Variants in SRGAP3 observed in about 807,000 individuals in gnomAD.
SRGAP3 encodes SLIT-ROBO Rho GTPase-activating protein 3.
A neutral mutation model predicts 121.1 loss-of-function variants in SRGAP3; 39 were observed. The ratio of observed to expected loss-of-function variants is 0.32; its 90% CI spans 0.25 to 0.42. SRGAP3 has a LOEUF of 0.42. Ranked by LOEUF, SRGAP3 falls within the 10% of genes least tolerant of loss-of-function variation. The pLI, the probability that SRGAP3 is intolerant of heterozygous loss-of-function variation, is 1.00. For missense variants in SRGAP3, 1,213 were observed against 1,470.6 expected (o/e 0.82, Z 2.86); for synonymous variants, 601 against 570.0 (o/e 1.05, Z -0.77).
intron 21 of SRGAP3, among the ~76,000 whole-genome samples, chr3:8,989,295 G>C (rs576805952): frequency 1.3e-5 from 2 of 152,250 alleles, no homozygotes; most frequent in East Asian, 3.9e-4. Context: ...CCTCAAGTAT[G>C]GGGGGGACCA....
chr3:9,206,059 G>C (rs925631289), intron 1 of SRGAP3, among the ~76,000 whole-genome samples: 3 of 152,142 alleles, frequency 2.0e-5, no homozygotes, highest in African/African-American at 7.2e-5. Flanking sequence ...GGTGACGGTT[G>C]CATGACAATG....
At chr3:9,266,124 A>T (rs879094125) in intron 3 of SRGAP3, among the ~76,000 whole-genome samples, 1 of 152,222 alleles carries the variant, frequency 6.6e-6, no homozygotes, top group Admixed American at 6.5e-5. Context: ...ACACAGGAAC[A>T]GAAAAGCAAA....
chr3:9,154,057 A>G (rs948549260), intron 1 of SRGAP3, among the ~76,000 whole-genome samples: 1 of 151,572 alleles, frequency 6.6e-6, no homozygotes, highest in African/African-American at 2.4e-5. Context: ...AAGCACTGCC[A>G]TTTAGGAAAA....
At chr3:8,999,841 G>A (rs560732137) in intron 18 of SRGAP3, among the ~76,000 whole-genome samples, 34 of 152,198 alleles carry the variant, frequency 2.2e-4, no homozygotes, top group Admixed American at 1.3e-3. Context: ...ATGACAGCAT[G>A]AAGAGCTCCC....
At position 9,064,552 on chromosome 3, in the gene SRGAP3, T is replaced by A; in HGVS notation, c.516A>T (p.Ala172=). Reference sequence around the variant, plus strand: ...GCTTGCTTTCCGCACTGATGCTCTCTGCATGGTACATGTGGTAGGTTTTCA... The same window carrying A: ...GCTTGCTTTCCGCACTGATGCTCTCAGCATGGTACATGTGGTAGGTTTTCA... ...TVMKTYHMYH[A]ESISAESKLK... The change falls in exon 5 of 22, where the codon GCA becomes GCT. Residue 172 remains alanine (A), a synonymous_variant. Coordinates refer to ENST00000383836, the MANE Select transcript of SRGAP3 (RefSeq NM_014850.4). 6.2e-7 allele frequency: 1 copy of A among 1,614,120 alleles called. No individual in the cohort carries two copies.
At chr3:9,255,614 T>C (rs1175854006) in intron 3 of SRGAP3, among the ~76,000 whole-genome samples, 1 of 151,946 alleles carries the variant, frequency 6.6e-6, no homozygotes, top group Non-Finnish European at 1.5e-5. Flanking sequence ...GCCAGGCCTG[T>C]AGAGTGGGCT....
At chr3:9,022,465 C>A (rs1943975299) in intron 14 of SRGAP3, among the ~76,000 whole-genome samples, 1 of 152,146 alleles carries the variant, frequency 6.6e-6, no homozygotes, top group African/African-American at 2.4e-5. Context: ...TGAGCTGGGC[C>A]CAGATTTGGG....
At chr3:9,035,172 T>A (rs1277596710) in intron 11 of SRGAP3, 1 of 152,182 alleles carries the variant, frequency 6.6e-6, no homozygotes, top group Non-Finnish European at 1.5e-5. Flanking sequence ...AACATTAAAT[T>A]ATCTGTTAAA....
chr3:9,023,304 G>A (rs1944017357), intron 14 of SRGAP3, among the ~76,000 whole-genome samples: 1 of 152,222 alleles, frequency 6.6e-6, no homozygotes, highest in Non-Finnish European at 1.5e-5. Context: ...TGGGGAAAAT[G>A]AAGAAACAAC....
chr3:9,228,793 G>A (rs894582034), intron 1 of SRGAP3, among the ~76,000 whole-genome samples: 3 of 152,098 alleles, frequency 2.0e-5, no homozygotes, highest in Non-Finnish European at 4.4e-5. Flanking sequence ...CGGGCGCGGT[G>A]GGCTCACGCC....
chr3:9,115,573 G>T (rs756298093), intron 2 of SRGAP3, among the ~76,000 whole-genome samples: 5 of 152,114 alleles, frequency 3.3e-5, no homozygotes, highest in African/African-American at 4.8e-5. Context: ...AGAGATAAAG[G>T]AGCTACAGCC....
At chr3:9,353,834 G>A (rs1475052863) in intron 1 of SRGAP3, among the ~76,000 whole-genome samples, 7 of 152,200 alleles carry the variant, frequency 4.6e-5, no homozygotes, top group African/African-American at 1.7e-4. Flanking sequence ...TGTACTGAAT[G>A]AAAAGCAGGT....
chr3:9,016,948 A>G (rs1046362741), intron 14 of SRGAP3, among the ~76,000 whole-genome samples: 3 of 152,148 alleles, frequency 2.0e-5, no homozygotes, highest in Non-Finnish European at 4.4e-5. Context: ...GAATACTTAA[A>G]TTGTCCCAAA....
chr3:9,029,113 A>T (rs2125080646), intron 12 of SRGAP3, among the ~76,000 whole-genome samples: 1 of 152,322 alleles, frequency 6.6e-6, no homozygotes, highest in African/African-American at 2.4e-5. Flanking sequence ...AATCTACCAG[A>T]ATCCCAGAAC....
chr3:9,211,448 G>T (rs971821881), intron 1 of SRGAP3, among the ~76,000 whole-genome samples: 1 of 152,132 alleles, frequency 6.6e-6, no homozygotes, highest in Non-Finnish European at 1.5e-5. Context: ...GGAGAAAGAG[G>T]GCCCTAGAGA....
At chr3:9,055,404 C>T (rs1345747943) in intron 8 of SRGAP3, among the ~76,000 whole-genome samples, 2 of 152,260 alleles carry the variant, frequency 1.3e-5, no homozygotes, top group East Asian at 3.8e-4. Context: ...CTCCAGGGGC[C>T]TCCAGTTGGT....
chr3:9,194,855 T>C lies in SRGAP3; in HGVS notation c.67+54030A>G, dbSNP rs187401744. 1.3e-3 allele frequency among the ~76,000 whole-genome samples: 195 copies of C among 152,346 alleles called. 2 individuals carry two copies. Among genetic ancestry groups the C allele is most frequent in the Admixed American group, 0.012 (178 of 15,302 alleles). On this transcript the variant is annotated intron_variant, in intron 1 of 21. Transcript: ENST00000383836. ...TGTCCAGATCCCTGTTCCCAGGCCATGTACCATCCCTTGGCTGCTTTGGGT... is the reference window on the plus strand; with the variant it reads ...TGTCCAGATCCCTGTTCCCAGGCCACGTACCATCCCTTGGCTGCTTTGGGT...
chr3:9,025,529 G>T (rs1281825897), intron 13 of SRGAP3, among the ~76,000 whole-genome samples, 191 bp from the exon 14 acceptor site: 2 of 152,070 alleles, frequency 1.3e-5, no homozygotes, highest in Non-Finnish European at 2.9e-5. Context: ...AAAATCCTTG[G>T]ACACATCTGC....
chr3:9,161,690 T>A (rs2543500), intron 1 of SRGAP3, among the ~76,000 whole-genome samples: 44,086 of 152,092 alleles, frequency 0.29, 7,431 homozygotes, highest in Non-Finnish European at 0.39. Context: ...GTACCAACAA[T>A]AGGAGGGAGA....
Sources: gnomAD v4.1 joint callset for allele counts (sites outside exome capture counted in the v4.1 genomes callset) on GRCh38, gnomAD v4.1.1 for gene constraint, MANE v1.5 for transcripts, NCBI Gene and HGNC (gene_info 2026-07-23, HGNC 2026-07-21) for gene names.